Variants in CTNNA2 observed in about 807,000 individuals in gnomAD.
CTNNA2 encodes catenin alpha 2.
Under a neutral mutation model 101.0 loss-of-function variants are expected in CTNNA2, and 42 were observed. The ratio of observed to expected loss-of-function variants is 0.42; its 90% CI spans 0.32 to 0.54. CTNNA2 has a LOEUF of 0.54. Among genes scored for constraint, CTNNA2 ranks in the 20% least tolerant of loss-of-function variants. The probability of loss-of-function intolerance (pLI) is 0.14; values close to 1 mark genes in which losing one functional copy is unlikely to be tolerated. For synonymous variants in CTNNA2, 450 were observed against 456.4 expected (o/e 0.99, Z 0.18); for missense variants, 871 against 1,223.1 (o/e 0.71, Z 4.29).
intron 8 of CTNNA2, among the ~76,000 whole-genome samples, chr2:80,399,418 TG>T (rs1228912230): frequency 6.6e-6 from 1 of 152,190 alleles, no homozygotes; most frequent in Non-Finnish European, 1.5e-5. Flanking sequence ...AGCCAGCATA[TG>T]GTTGATTGTT....
intron 1 of CTNNA2, among the ~76,000 whole-genome samples, chr2:79,615,941 G>C (rs138353681): frequency 7.5e-4 from 115 of 152,326 alleles, no homozygotes; most frequent in Non-Finnish European, 1.5e-3. Flanking sequence ...CCTCAAGTCA[G>C]CTTCCCCATA....
intron 9 of CTNNA2, among the ~76,000 whole-genome samples, chr2:80,438,702 G>T (rs973180694): frequency 2.0e-5 from 3 of 149,408 alleles, no homozygotes; most frequent in African/African-American, 7.3e-5. Context: ...GGTCCAGGCT[G>T]TTGCAGTGAG....
intron 4 of CTNNA2, among the ~76,000 whole-genome samples, chr2:79,423,925 T>C (rs564661619): frequency 6.6e-6 from 1 of 152,164 alleles, no homozygotes; most frequent in African/African-American, 2.4e-5. Flanking sequence ...CAGATCCTGA[T>C]TTGTTTATCT....
chr2:79,982,348 C>CA (rs1331250719), intron 7 of CTNNA2, among the ~76,000 whole-genome samples: 13 of 111,096 alleles, frequency 1.2e-4, no homozygotes, highest in African/African-American at 4.6e-4. Context: ...ACATATATAA[C>CA]CTATATAACC....
intron 2 of CTNNA2, among the ~76,000 whole-genome samples, chr2:79,676,678 G>A (rs17017514): frequency 0.1 from 15,178 of 151,886 alleles, 1,312 homozygotes; most frequent in African/African-American, 0.24. Flanking sequence ...GTCCAAAAGG[G>A]GATTTCAACT....
intron 4 of CTNNA2, among the ~76,000 whole-genome samples, chr2:79,426,385 TTTGTGTAGG>T (rs1422094329): frequency 6.6e-6 from 1 of 152,132 alleles, no homozygotes; most frequent in Non-Finnish European, 1.5e-5. Flanking sequence ...GGTAACATTA[TTTGTGTAGG>T]GCATGCTTTG....
intron 3 of CTNNA2, among the ~76,000 whole-genome samples, chr2:79,778,293 C>T (rs1307139958): frequency 2.6e-5 from 4 of 151,436 alleles, no homozygotes; most frequent in Admixed American, 6.6e-5. Flanking sequence ...TTCGGTGAGC[C>T]GAGATCGCAT....
chr2:80,161,720 G>A (rs1425155991), intron 7 of CTNNA2, among the ~76,000 whole-genome samples: 1 of 152,092 alleles, frequency 6.6e-6, no homozygotes, highest in Non-Finnish European at 1.5e-5. Flanking sequence ...TTATCTAACT[G>A]TGCACTGACA....
At chr2:80,212,700 C>T (rs974494485) in intron 7 of CTNNA2, among the ~76,000 whole-genome samples, 3 of 152,128 alleles carry the variant, frequency 2.0e-5, no homozygotes, top group Middle Eastern at 3.2e-3. Flanking sequence ...GTGTCTCTGC[C>T]AGGCTTTGGT....
chr2:79,247,938 T>G (rs932297927), intron 2 of CTNNA2, among the ~76,000 whole-genome samples: 3 of 152,206 alleles, frequency 2.0e-5, no homozygotes, highest in African/African-American at 7.2e-5. Flanking sequence ...ACACCTGGAC[T>G]TCATCCCAAG....
intron 15 of CTNNA2, among the ~76,000 whole-genome samples, chr2:80,591,684 GCCACTCT>G (rs1696524440): frequency 6.6e-6 from 1 of 151,782 alleles, no homozygotes; most frequent in Middle Eastern, 3.4e-3. Flanking sequence ...TTGAAACTTG[GCCACTCT>G]CCATAATGTG....
intron 2 of CTNNA2, among the ~76,000 whole-genome samples, chr2:79,282,037 G>A (rs1675402016): frequency 6.6e-6 from 1 of 152,016 alleles, no homozygotes; most frequent in African/African-American, 2.4e-5. Context: ...CTTTTATAGT[G>A]CTTTGTAGTT....
At chr2:79,540,324 A>T (rs934682630) in intron 1 of CTNNA2, among the ~76,000 whole-genome samples, 4 of 152,212 alleles carry the variant, frequency 2.6e-5, no homozygotes, top group African/African-American at 9.6e-5. Context: ...TGTAAAATGC[A>T]TATAACAATA....
intron 7 of CTNNA2, among the ~76,000 whole-genome samples, chr2:80,158,988 T>C (rs1704145266): frequency 6.6e-6 from 1 of 152,120 alleles, no homozygotes; most frequent in African/African-American, 2.4e-5. Flanking sequence ...TCCTTACTTA[T>C]CATTATTCTC....
chr2:80,098,893 A>T (rs971238821), intron 7 of CTNNA2, among the ~76,000 whole-genome samples: 3 of 152,076 alleles, frequency 2.0e-5, no homozygotes, highest in African/African-American at 7.2e-5. Context: ...GATTTTCCAG[A>T]TGCCATCTGT....
At chr2:79,479,412 CTT>C (rs1301418984) in intron 4 of CTNNA2, among the ~76,000 whole-genome samples, 1 of 152,180 alleles carries the variant, frequency 6.6e-6, no homozygotes, top group Non-Finnish European at 1.5e-5. Context: ...CCACTTGAAA[CTT>C]TCCATTTTGG....
chr2:79,512,512 G>A (rs1381016134), upstream of CTNNA2, among the ~76,000 whole-genome samples: 1 of 151,826 alleles, frequency 6.6e-6, no homozygotes, highest in Non-Finnish European at 1.5e-5. Flanking sequence ...CTCCTGCCAC[G>A]TGTCGGACCC....
At chr2:79,284,803 T>G (rs1300644203) in intron 2 of CTNNA2, among the ~76,000 whole-genome samples, 1 of 148,712 alleles carries the variant, frequency 6.7e-6, no homozygotes, top group East Asian at 2.0e-4. Context: ...TTCCCTCTTT[T>G]TCTATTGATT....
chr2:80,269,583 G>GA (rs201132454), intron 7 of CTNNA2, among the ~76,000 whole-genome samples: 495 of 150,116 alleles, frequency 3.3e-3, no homozygotes, highest in Non-Finnish European at 5.9e-3. Context: ...ATATCATTCA[G>GA]AAAAAAAAAT....
Sources: gnomAD v4.1 joint callset for allele counts (sites outside exome capture counted in the v4.1 genomes callset) on GRCh38, gnomAD v4.1.1 for gene constraint, MANE v1.5 for transcripts, NCBI Gene and HGNC (gene_info 2026-07-23, HGNC 2026-07-21) for gene names.